The following OTUD7A variants were observed in gnomAD, a reference collection of about 807,000 sequenced individuals.
OTUD7A encodes OTU domain-containing protein 7A.
In OTUD7A, 12 loss-of-function variants were observed where a neutral mutation model predicts 65.7. The ratio of observed to expected loss-of-function variants is 0.18; its 90% CI spans 0.12 to 0.30. OTUD7A has a LOEUF of 0.30. Ranked by LOEUF, OTUD7A falls within the 10% of genes least tolerant of loss-of-function variation. The pLI is 1.00. For synonymous variants in OTUD7A, 641 were observed against 586.3 expected, an observed-to-expected ratio of 1.09 and a Z score of -1.35; for missense variants, 1,148 against 1,304.8, an observed-to-expected ratio of 0.88 and a Z score of 1.85.
At chr15:31,542,286 A>C (rs561429921) in intron 5 of OTUD7A, among the ~76,000 whole-genome samples, 1 of 152,210 alleles carries the variant, frequency 6.6e-6, no homozygotes, top group South Asian at 2.1e-4. Flanking sequence ...CATGTTAAAA[A>C]TGTTTAAAAT....
At chr15:31,560,819 C>A (rs1172962881) in intron 4 of OTUD7A, among the ~76,000 whole-genome samples, 1 of 152,220 alleles carries the variant, frequency 6.6e-6, no homozygotes, top group Non-Finnish European at 1.5e-5. Flanking sequence ...CCTGCAATGC[C>A]CCTCTGAGGT....
At chr15:31,556,133 C>T (rs541129944) in intron 5 of OTUD7A, 6 of 152,316 alleles carry the variant, frequency 3.9e-5, no homozygotes, top group African/African-American at 7.2e-5. Flanking sequence ...TGAGCCATCG[C>T]GTTTGGCCAC....
chr15:31,856,952 G>A (rs1426474060), intron 1 of OTUD7A, among the ~76,000 whole-genome samples: 1 of 152,160 alleles, frequency 6.6e-6, no homozygotes, highest in Non-Finnish European at 1.5e-5. Context: ...TCTTTTTCCA[G>A]GTGACCTTTC....
intron 1 of OTUD7A, among the ~76,000 whole-genome samples, chr15:31,758,878 T>C (rs922373415): frequency 3.9e-5 from 6 of 152,232 alleles, no homozygotes; most frequent in African/African-American, 1.4e-4. Context: ...TGATTTAGCC[T>C]GGGCTTCAAC....
At chr15:31,703,106 T>C (rs900480914) in intron 1 of OTUD7A, among the ~76,000 whole-genome samples, 9 of 151,984 alleles carry the variant, frequency 5.9e-5, no homozygotes, top group African/African-American at 1.9e-4. Flanking sequence ...AAAAATTAAC[T>C]TAAAATGGAT....
chr15:31,499,047 G>T (rs1290254195), intron 10 of OTUD7A, among the ~76,000 whole-genome samples: 1 of 152,220 alleles, frequency 6.6e-6, no homozygotes, highest in Non-Finnish European at 1.5e-5. Flanking sequence ...CACTCGATGA[G>T]AAGTTTAAAG....
chr15:31,804,686 C>T (rs555394167), intron 1 of OTUD7A, among the ~76,000 whole-genome samples: 4 of 152,248 alleles, frequency 2.6e-5, no homozygotes, highest in East Asian at 3.9e-4. Flanking sequence ...TAGATGGAAC[C>T]GAAGAAACTC....
At chr15:31,845,143 T>G (rs1042369616) in intron 1 of OTUD7A, among the ~76,000 whole-genome samples, 2 of 152,182 alleles carry the variant, frequency 1.3e-5, no homozygotes, top group Admixed American at 1.3e-4. Flanking sequence ...TTACAGCTGG[T>G]TTAAAATAAT....
rs2041717174 is a variant in OTUD7A at position 31,511,097 on chromosome 15, TGTATATCTATATGTAACATAC to T, written c.894-7300_894-7280del. On this transcript the variant is annotated intron_variant, in intron 8 of 12. Coordinates refer to ENST00000307050, the MANE Select transcript of OTUD7A (RefSeq NM_001382637.1). ...TGTATATCTATATGTAACATACATA[TGTATATCTATATGTAACATAC>T]ATATGTATATCTATATGTAACATAC... is the stretch of plus-strand genomic sequence containing the variant. Among the ~76,000 whole-genome samples the T allele has an allele frequency of 5.6e-4, 24 of 42,964 alleles. 5 individuals are homozygous for T. Among genetic ancestry groups the T allele is most frequent in the Non-Finnish European group, 6.8e-4 (17 of 25,112 alleles). 28.2% of individuals were successfully genotyped at this position (42,964 alleles called of 152,430 possible). A position where few individuals can be genotyped will look rare whatever the true frequency, so the allele number is the denominator to read the frequency against.
chr15:31,779,754 C>A (rs1001795551), intron 1 of OTUD7A, among the ~76,000 whole-genome samples: 9 of 152,076 alleles, frequency 5.9e-5, no homozygotes, highest in Admixed American at 4.6e-4. Flanking sequence ...CACTTTGGAG[C>A]CCTAGGGGTG....
intron 5 of OTUD7A, among the ~76,000 whole-genome samples, chr15:31,544,382 G>A (rs1205549296): frequency 6.6e-6 from 1 of 151,660 alleles, no homozygotes; most frequent in Non-Finnish European, 1.5e-5. Flanking sequence ...TATAGATCAG[G>A]AGTCAGTAAA....
At position 31,868,254 on chromosome 15, in the gene OTUD7A, A is replaced by AT. The variant is rs1220373515; in HGVS notation, c.-100+2252dup. ...GAGGCTTTAAAGCGGTTGTTTTAAA[A>AT]TGTTTTGGGGAAATAAGTGACCCAT... On this transcript the variant is annotated intron_variant, in intron 1 of 12. Coordinates refer to ENST00000307050, the MANE Select transcript of OTUD7A (RefSeq NM_001382637.1). Among the ~76,000 whole-genome samples the AT allele has an allele frequency of 3.3e-5, 5 of 152,340 alleles. No homozygotes were observed. The East Asian group carries it at 7.7e-4, about 23-fold the overall frequency.
intron 5 of OTUD7A, among the ~76,000 whole-genome samples, chr15:31,541,081 G>A (rs1315818444): frequency 6.6e-6 from 1 of 152,236 alleles, no homozygotes; most frequent in Non-Finnish European, 1.5e-5. Context: ...TGCTTGAGAA[G>A]CACTGTCCAG....
At chr15:31,844,035 CA>C (rs1228420842) in intron 1 of OTUD7A, among the ~76,000 whole-genome samples, 1 of 152,210 alleles carries the variant, frequency 6.6e-6, no homozygotes, top group Admixed American at 6.5e-5. Flanking sequence ...AAAGCCCATC[CA>C]AAGTTCTAAG....
At chr15:31,704,152 T>C (rs1200088148) in intron 1 of OTUD7A, among the ~76,000 whole-genome samples, 6 of 124,996 alleles carry the variant, frequency 4.8e-5, no homozygotes, top group African/African-American at 1.4e-4. Flanking sequence ...ATTAATGTCC[T>C]GGTTGTGATA....
rs528265645 is a variant in OTUD7A at position 31,683,567 on chromosome 15, T to C, written c.-99-26490A>G. 3.9e-5 allele frequency among the ~76,000 whole-genome samples: 6 copies of C among 152,278 alleles called. No individual in the cohort carries two copies. In the East Asian group the frequency reaches 1.2e-3, roughly 29 times the overall value. On this transcript the variant is annotated intron_variant, in intron 1 of 12. Coordinates refer to ENST00000307050, the MANE Select transcript of OTUD7A (RefSeq NM_001382637.1). ...TTCTATTTTAATATGGTTGTGGTGG[T>C]GATTACATAGCATAGTGCCTGGCAC...
chr15:31,750,292 CAGCTACTCAGGAGACTGAGGCT>C, intron 1 of OTUD7A, among the ~76,000 whole-genome samples: 1 of 150,714 alleles, frequency 6.6e-6, no homozygotes, highest in African/African-American at 2.4e-5. Context: ...CCTATAATCC[CAGCTACTCAGGAGACTGAGGCT>C]TGAGAATAGC....
intron 3 of OTUD7A, among the ~76,000 whole-genome samples, chr15:31,572,579 G>C (rs183258167): frequency 2.4e-4 from 36 of 152,116 alleles, no homozygotes; most frequent in Non-Finnish European, 3.1e-4. Context: ...TGGATTTCAA[G>C]TTAAACTTAA....
intron 3 of OTUD7A, among the ~76,000 whole-genome samples, chr15:31,608,060 A>G (rs970924961): frequency 6.6e-6 from 1 of 152,178 alleles, no homozygotes; most frequent in East Asian, 1.9e-4. Flanking sequence ...CATCCTGGCC[A>G]ACATGGTGAA....
Sources: allele counts gnomAD v4.1 joint callset (sites outside exome capture counted in the v4.1 genomes callset), GRCh38; gene constraint gnomAD v4.1.1; transcripts MANE v1.5; gene names NCBI Gene and HGNC (gene_info 2026-07-23, HGNC 2026-07-21).